Variants in BCAS3 observed in about 807,000 individuals in gnomAD.
The protein encoded by BCAS3 is BCAS3 microtubule associated cell migration factor.
In BCAS3, 53 loss-of-function variants were observed where a neutral mutation model predicts 116.1. The ratio of observed to expected loss-of-function variants is 0.46; its 90% CI spans 0.37 to 0.57. The LOEUF (loss-of-function observed/expected upper bound fraction) is 0.57, where lower values mean the gene tolerates loss of function less well. BCAS3 is among the 20% of genes least tolerant of loss of function. The pLI, the probability that BCAS3 is intolerant of heterozygous loss-of-function variation, is 0.00. For missense variants in BCAS3, 917 were observed against 1,165.4 expected (o/e 0.79, Z 3.10); for synonymous variants, 391 against 408.2 (o/e 0.96, Z 0.51).
chr17:61,343,643 C>T lies in BCAS3; in HGVS notation c.2426-24684C>T, dbSNP rs1451905459. Among the ~76,000 whole-genome samples, 2 of 152,236 alleles carry T rather than the reference C, an allele frequency of 1.3e-5. No individual in the cohort carries two copies. The highest frequency in any genetic ancestry group is 4.8e-5 in the African/African-American group (2 of 41,470). The stretch of plus-strand genomic sequence containing the variant: ...AACAACTGGATGGCAAGGCAACAGA[C>T]ATCCCACTGCCGTTCCTCTGCCACC... On this transcript the variant is annotated intron_variant, in intron 22 of 23. Transcript: ENST00000407086. The surrounding 1 kb of genome is among the most constrained non-coding windows in gnomAD (Gnocchi z 5.5).
chr17:60,928,172 T>A (rs964634389), intron 13 of BCAS3, among the ~76,000 whole-genome samples: 2 of 152,158 alleles, frequency 1.3e-5, no homozygotes. Context: ...GCTGGTTAGT[T>A]GCAAATGCAC....
Position 60,753,757 on chromosome 17 carries a change from T to C in BCAS3, c.403+6478T>C, listed in dbSNP as rs1326515939. Among the ~76,000 whole-genome samples, 29 of 152,198 alleles carry C rather than the reference T, an allele frequency of 1.9e-4. 1 individual carries two copies. The highest frequency in any genetic ancestry group is 1.9e-3 in the Admixed American group (29 of 15,284). Reference sequence around the variant, plus strand: ...TTCCATATTGTTGATGGTCAGGAAGTAGTTCTTCCTTGCCAGTCTCTGATT... The same window carrying C: ...TTCCATATTGTTGATGGTCAGGAAGCAGTTCTTCCTTGCCAGTCTCTGATT... On this transcript the variant is annotated intron_variant, in intron 6 of 23. Transcript: ENST00000407086.
chr17:60,865,777 A>G (rs1360749602), intron 7 of BCAS3, among the ~76,000 whole-genome samples: 2 of 152,212 alleles, frequency 1.3e-5, no homozygotes, highest in Non-Finnish European at 2.9e-5. Flanking sequence ...TGCGCTGGGT[A>G]AGACTTCTTA....
intron 13 of BCAS3, among the ~76,000 whole-genome samples, chr17:60,932,463 C>T (rs73322703): frequency 0.086 from 13,024 of 152,116 alleles, 1,870 homozygotes; most frequent in African/African-American, 0.3. Context: ...ATTGTCTGGC[C>T]GGGCACGGTG....
At chr17:61,384,187 C>T (rs530861396) in intron 23 of BCAS3, among the ~76,000 whole-genome samples, 5 of 152,328 alleles carry the variant, frequency 3.3e-5, no homozygotes, top group African/African-American at 9.6e-5. Flanking sequence ...CCATGCCCCT[C>T]GGCACTGAGT....
intron 6 of BCAS3, among the ~76,000 whole-genome samples, chr17:60,766,370 G>A (rs2044094592): frequency 6.6e-6 from 1 of 152,122 alleles, no homozygotes; most frequent in Admixed American, 6.5e-5. Context: ...TACAGATGGG[G>A]TTTTGATGTG....
At position 61,095,427 on chromosome 17, in the gene BCAS3, T is replaced by C. The variant is rs1396269782; in HGVS notation, c.2425+10863T>C. ...TAAATGTTGATAGATATAGTACATA[T>C]AAACCAAAGATCTTTGGGGTCCTGG... is the stretch of plus-strand genomic sequence containing the variant. On this transcript the variant is annotated intron_variant, in intron 22 of 23. Coordinates refer to ENST00000407086, the MANE Select transcript of BCAS3 (RefSeq NM_017679.5). This position sits in a 1 kb window ranked among gnomAD's most constrained non-coding sequence, Gnocchi z 4.7. Among the ~76,000 whole-genome samples, 2 of 152,204 alleles carry C rather than the reference T, an allele frequency of 1.3e-5. No individual in the cohort carries two copies. Among genetic ancestry groups the C allele is most frequent in the Non-Finnish European group, 2.9e-5 (2 of 68,026 alleles).
At chr17:61,152,632 A>G (rs986518273) in intron 22 of BCAS3, among the ~76,000 whole-genome samples, 2 of 152,158 alleles carry the variant, frequency 1.3e-5, no homozygotes, top group African/African-American at 4.8e-5. Context: ...AGAAGAGAAG[A>G]AAGGGCCAAA....
Position 61,001,788 on chromosome 17 carries a change from T to G in BCAS3, c.1486+11553T>G, listed in dbSNP as rs568042356. ...AGATTTAAAGTTTTCCTGGTGAATT[T>G]GTTTTCTCAAATTCTTTTATCACCT... is the stretch of plus-strand genomic sequence containing the variant. On this transcript the variant is annotated intron_variant, in intron 15 of 23. Transcript: ENST00000407086. Among the ~76,000 whole-genome samples, 3 of 152,346 alleles carry G rather than the reference T, an allele frequency of 2.0e-5. No homozygotes were observed. In the South Asian group the frequency reaches 6.2e-4, roughly 32 times the overall value.
At chr17:60,741,203 T>C (rs1240715845) in intron 5 of BCAS3, among the ~76,000 whole-genome samples, 1 of 152,158 alleles carries the variant, frequency 6.6e-6, no homozygotes, top group Non-Finnish European at 1.5e-5. Flanking sequence ...CTCTATGACG[T>C]CATTTTTCTG....
At chr17:61,146,761 T>C (rs1008411982) in intron 22 of BCAS3, among the ~76,000 whole-genome samples, 37 of 152,304 alleles carry the variant, frequency 2.4e-4, no homozygotes, top group African/African-American at 6.0e-4. Flanking sequence ...TGTATGACTT[T>C]GCTGAATTGA....
At chr17:60,916,440 C>G (rs57530921) in intron 12 of BCAS3, among the ~76,000 whole-genome samples, 6,088 of 152,164 alleles carry the variant, frequency 0.04, 459 homozygotes, top group African/African-American at 0.14. Context: ...CTAAGAGAAC[C>G]TATCACTCGC....
intron 22 of BCAS3, among the ~76,000 whole-genome samples, chr17:61,194,858 T>C (rs2080382933): frequency 6.6e-6 from 1 of 152,210 alleles, no homozygotes; most frequent in South Asian, 2.1e-4. Flanking sequence ...ATCTTCACTT[T>C]CCATCTCCAG....
At chr17:61,045,823 T>TCTC in intron 19 of BCAS3, among the ~76,000 whole-genome samples, 1 of 34,622 alleles carries the variant, frequency 2.9e-5, no homozygotes, top group African/African-American at 2.6e-4. Context: ...TCATCTCTCT[T>TCTC]TCTCTCTCTC....
chr17:61,064,897 A>G (rs1347613047), intron 19 of BCAS3, among the ~76,000 whole-genome samples: 1 of 152,206 alleles, frequency 6.6e-6, no homozygotes, highest in Non-Finnish European at 1.5e-5. Flanking sequence ...TTGCATTGGT[A>G]TAGGGATGGC....
rs575874901 is a variant in BCAS3, at chr17:60,964,231, G to A, written c.1221+16879G>A. Among the ~76,000 whole-genome samples the A allele has an allele frequency of 6.6e-6, 1 of 151,678 alleles. No individual in the cohort carries two copies. Among genetic ancestry groups the A allele is most frequent in the African/African-American group, 2.4e-5 (1 of 41,368 alleles). On this transcript the variant is annotated intron_variant, in intron 14 of 23. Transcript: ENST00000407086. The surrounding 1 kb of genome is among the most constrained non-coding windows in gnomAD (Gnocchi z 4.6). ...TGTTTCTATACCCATTTTGATTAGG[G>A]GTTTTTTTATATCATAAAGGATGTT...
rs1040328566 is a variant in BCAS3, at chr17:61,278,482, A to G, written c.2426-89845A>G. On this transcript the variant is annotated intron_variant, in intron 22 of 23. Transcript: ENST00000407086. The surrounding 1 kb of genome is among the most constrained non-coding windows in gnomAD (Gnocchi z 5.8). ...GTGCCACCATGCCCAGCCTCTATCA[A>G]CTGTTGGATGGACCTACCCAAAGGA... 1.2e-4 allele frequency among the ~76,000 whole-genome samples: 18 copies of G among 152,018 alleles called. No individual in the cohort carries two copies. The highest frequency in any genetic ancestry group is 4.4e-4 in the African/African-American group (18 of 41,372).
At position 61,196,556 on chromosome 17, in the gene BCAS3, T is replaced by G. The variant is rs1456163048; in HGVS notation, c.2425+111992T>G. On this transcript the variant is annotated intron_variant, in intron 22 of 23. Transcript: ENST00000407086. This position sits in a 1 kb window ranked among gnomAD's most constrained non-coding sequence, Gnocchi z 4.7. The stretch of plus-strand genomic sequence containing the variant: ...GGGTTGGAAGTAGCCCCAAGGCTGG[T>G]TAGTCCCCTTCCAGATGGGGAGGTT... 6.6e-6 allele frequency among the ~76,000 whole-genome samples: 1 copy of G among 152,178 alleles called. No homozygotes were observed. The highest frequency in any genetic ancestry group is 6.5e-5 in the Admixed American group (1 of 15,280).
intron 9 of BCAS3, chr17:60,887,394 G>A (rs946898051): frequency 1.3e-5 from 2 of 153,848 alleles, no homozygotes; most frequent in Non-Finnish European, 2.9e-5. Context: ...AGATGGAAAT[G>A]CAGAAATCAC....
Sources: gnomAD v4.1 joint callset for allele counts (sites outside exome capture counted in the v4.1 genomes callset) on GRCh38, gnomAD v4.1.1 for gene constraint, Gnocchi (gnomAD v3.1) non-coding constraint, MANE v1.5 for transcripts, NCBI Gene and HGNC (gene_info 2026-07-23, HGNC 2026-07-21) for gene names.